PDE7B: variants seen among roughly 807,000 people sequenced by gnomAD.
The protein encoded by PDE7B is phosphodiesterase 7B, also known as 3',5'-cyclic-AMP phosphodiesterase 7B.
PDE7B carries 29 observed loss-of-function variants against 56.2 expected under a neutral mutation model. The observed-to-expected ratio is 0.52, with a 90% CI of 0.38 to 0.70. The LOEUF is 0.70. PDE7B is among the 30% of genes least tolerant of loss of function. The pLI is 0.00. For missense variants in PDE7B, 490 were observed against 565.0 expected (o/e 0.87, Z 1.35); for synonymous variants, 197 against 196.9 (o/e 1.00, Z 0.00).
intron 9 of PDE7B, 128 bp downstream of exon 9, chr6:136,174,016 G>A (rs916175474): frequency 1.5e-6 from 1 of 680,396 alleles, no homozygotes; most frequent in Non-Finnish European, 2.6e-6. Context: ...TGCCTGCACT[G>A]AGCTGTCTAT....
intron 3 of PDE7B, among the ~76,000 whole-genome samples, chr6:136,140,731 A>G (rs1475827322): frequency 6.6e-6 from 1 of 152,142 alleles, no homozygotes; most frequent in Admixed American, 6.5e-5. Context: ...CTTTGAAGCA[A>G]TTGTGAATGG....
chr6:135,955,331 A>C (rs1774772801), intron 2 of PDE7B, among the ~76,000 whole-genome samples: 1 of 151,980 alleles, frequency 6.6e-6, no homozygotes, highest in African/African-American at 2.4e-5. Context: ...TGTGCAAGAC[A>C]TGGTAAGGAG....
chr6:136,155,072 C>A (rs1309630496), intron 7 of PDE7B, among the ~76,000 whole-genome samples: 1 of 152,152 alleles, frequency 6.6e-6, no homozygotes, highest in East Asian at 1.9e-4. Flanking sequence ...ATTCCCGTGT[C>A]TCTGCTTATT....
chr6:136,095,312 C>A (rs1583877965), intron 2 of PDE7B, among the ~76,000 whole-genome samples: 1 of 151,990 alleles, frequency 6.6e-6, no homozygotes, highest in South Asian at 2.1e-4. Flanking sequence ...GTATAATATG[C>A]AATATCAAAT....
At position 135,916,830 on chromosome 6, in the gene PDE7B, T is replaced by TGA. The variant is rs558387097; in HGVS notation, c.22-30629_22-30628dup. On this transcript the variant is annotated intron_variant, in intron 1 of 12. Coordinates refer to ENST00000308191, the MANE Select transcript of PDE7B (RefSeq NM_018945.4). The stretch of plus-strand genomic sequence containing the variant: ...GAATGTTTTCTTCCTATCCATGGCT[T>TGA]GAGAGAAGTATAATATATCTTCATG... Among the ~76,000 whole-genome samples, 111 of 152,212 alleles carry TGA rather than the reference T, an allele frequency of 7.3e-4. 2 individuals are homozygous for TGA. In the Middle Eastern group the frequency reaches 0.01, roughly 14 times the overall value.
chr6:136,095,685 A>T (rs1235198323), intron 2 of PDE7B: 2 of 152,212 alleles, frequency 1.3e-5, no homozygotes, highest in Admixed American at 1.3e-4. Context: ...GCACCACATT[A>T]GTTAAGGGCA....
At chr6:135,882,657 A>T (rs776525366) in intron 1 of PDE7B, among the ~76,000 whole-genome samples, 1 of 152,184 alleles carries the variant, frequency 6.6e-6, no homozygotes, top group Non-Finnish European at 1.5e-5. Flanking sequence ...GGTGATGATG[A>T]TAGTGTCTAT....
chr6:136,105,556 C>G (rs1191268422), intron 2 of PDE7B, among the ~76,000 whole-genome samples: 4 of 152,170 alleles, frequency 2.6e-5, no homozygotes, highest in Middle Eastern at 3.2e-3. Flanking sequence ...AAATCCTCAG[C>G]ACAGTATAAG....
At position 136,176,477 on chromosome 6, in the gene PDE7B, T is replaced by A. The variant is rs546653359; in HGVS notation, c.804-2520T>A. 3.9e-5 allele frequency among the ~76,000 whole-genome samples: 6 copies of A among 152,260 alleles called. No individual in the cohort carries two copies. The South Asian group carries it at 1.2e-3, about 32-fold the overall frequency. ...AATGTCAATTACTATAGCTGTACAT[T>A]GTACTTCATAATTGCACAATATGAA... is the stretch of plus-strand genomic sequence containing the variant. On this transcript the variant is annotated intron_variant, in intron 9 of 12. Coordinates refer to ENST00000308191, the MANE Select transcript of PDE7B (RefSeq NM_018945.4).
chr6:136,018,351 T>A (rs1776013921), intron 2 of PDE7B, among the ~76,000 whole-genome samples: 1 of 152,240 alleles, frequency 6.6e-6, no homozygotes, highest in Non-Finnish European at 1.5e-5. Flanking sequence ...AAAGACAGAC[T>A]GATTTTCCTT....
chr6:135,854,069 T>A (rs2876314), intron 1 of PDE7B, among the ~76,000 whole-genome samples: 16,819 of 152,178 alleles, frequency 0.11, 2,091 homozygotes, highest in African/African-American at 0.31. Context: ...ATTTTCAGCC[T>A]AAGGACATCT....
chr6:135,881,902 T>C (rs1452355899), intron 1 of PDE7B, among the ~76,000 whole-genome samples: 1 of 152,232 alleles, frequency 6.6e-6, no homozygotes, highest in African/African-American at 2.4e-5. Flanking sequence ...TGAAAATGTG[T>C]TGGAAACAAA....
intron 2 of PDE7B, among the ~76,000 whole-genome samples, chr6:136,061,738 A>C (rs1195936387): frequency 3.9e-5 from 6 of 152,230 alleles, no homozygotes; most frequent in African/African-American, 1.2e-4. Flanking sequence ...TGGGTAGGGC[A>C]GTGACAGTTC....
intron 1 of PDE7B, among the ~76,000 whole-genome samples, chr6:135,880,326 A>T (rs1293766074): frequency 6.6e-6 from 1 of 152,206 alleles, no homozygotes; most frequent in Non-Finnish European, 1.5e-5. Context: ...ATGTTGGTGT[A>T]TAACTTGAGG....
intron 2 of PDE7B, among the ~76,000 whole-genome samples, chr6:136,007,835 CT>C (rs537016796): frequency 3.5e-4 from 51 of 145,706 alleles, no homozygotes; most frequent in South Asian, 3.0e-3. Flanking sequence ...GTCATTTCTT[CT>C]TTTTTTTTTA....
At chr6:136,148,330 T>C (rs180742110) in intron 4 of PDE7B, among the ~76,000 whole-genome samples, 4 of 149,430 alleles carry the variant, frequency 2.7e-5, no homozygotes, top group Admixed American at 1.4e-4. Context: ...TACTCCAGCC[T>C]GGGGTACAGA....
In PDE7B at chr6:136,083,379, G is replaced by A. The variant is rs569173222; in HGVS notation, c.83-25352G>A. The stretch of plus-strand genomic sequence containing the variant: ...CCTCCTCAAGTACCTGAGCATGTGC[G>A]CATGACTACTTGCATCTATGCCCAC... On this transcript the variant is annotated intron_variant, in intron 2 of 12. Coordinates refer to ENST00000308191, the MANE Select transcript of PDE7B (RefSeq NM_018945.4). Among the ~76,000 whole-genome samples the A allele has an allele frequency of 9.9e-5, 15 of 152,242 alleles. No homozygotes were observed. In the South Asian group the frequency reaches 1.2e-3, roughly 13 times the overall value.
At chr6:136,056,511 C>CTTTT (rs1776734282) in intron 2 of PDE7B, among the ~76,000 whole-genome samples, 1 of 93,442 alleles carries the variant, frequency 1.1e-5, no homozygotes, top group Admixed American at 1.3e-4. Flanking sequence ...CAGATAGAAT[C>CTTTT]CTTTTTTTTT....
At chr6:136,046,094 A>G (rs980927686) in intron 2 of PDE7B, among the ~76,000 whole-genome samples, 10 of 152,012 alleles carry the variant, frequency 6.6e-5, no homozygotes, top group African/African-American at 2.4e-4. Context: ...GTTCATTCAA[A>G]GAAGTCGATA....
Sources: gnomAD v4.1 joint callset for allele counts (sites outside exome capture counted in the v4.1 genomes callset) on GRCh38, gnomAD v4.1.1 for gene constraint, MANE v1.5 for transcripts, NCBI Gene and HGNC (gene_info 2026-07-23, HGNC 2026-07-21) for gene names.